The following ITGB5 variants were observed in gnomAD, a reference collection of about 807,000 sequenced individuals.
ITGB5 encodes the protein integrin subunit beta 5, also known as integrin beta-5.
In ITGB5, 38 loss-of-function variants were observed where a neutral mutation model predicts 84.8. The ratio of observed to expected loss-of-function variants is 0.45; its 90% CI spans 0.35 to 0.59. ITGB5 has a LOEUF of 0.59. Ranked by LOEUF, ITGB5 falls within the 20% of genes least tolerant of loss-of-function variation. The pLI, the probability that ITGB5 is intolerant of heterozygous loss-of-function variation, is 0.01. For synonymous variants in ITGB5, 393 were observed against 414.4 expected (o/e 0.95, Z 0.63); for missense variants, 905 against 1,034.5 (o/e 0.87, Z 1.72).
chr3:124,798,004 C>T (rs1294077657), intron 9 of ITGB5, among the ~76,000 whole-genome samples: 1 of 149,400 alleles, frequency 6.7e-6, no homozygotes, highest in Non-Finnish European at 1.5e-5. Flanking sequence ...GGGTTAAAAA[C>T]CACTTTCAGC....
chr3:124,797,162 G>A (rs934304099), intron 9 of ITGB5, among the ~76,000 whole-genome samples: 8 of 152,084 alleles, frequency 5.3e-5, no homozygotes, highest in African/African-American at 7.2e-5. Context: ...TTTCTCTTCT[G>A]TCCTATCCTC....
chr3:124,820,223 C>T (rs1016135422), intron 6 of ITGB5, among the ~76,000 whole-genome samples: 3 of 152,216 alleles, frequency 2.0e-5, no homozygotes, highest in Non-Finnish European at 4.4e-5. Flanking sequence ...TGTCCTCTCT[C>T]CTCTAAGACT....
intron 10 of ITGB5, among the ~76,000 whole-genome samples, chr3:124,786,896 G>A (rs1344861079): frequency 6.6e-6 from 1 of 152,142 alleles, no homozygotes; most frequent in Non-Finnish European, 1.5e-5. Context: ...TGGAACAAAA[G>A]AATCCTTAAG....
rs117279641 is a variant in ITGB5, at chr3:124,794,353, C to T, written c.1693+2035G>A. Among the ~76,000 whole-genome samples, 33 of 152,284 alleles carry T rather than the reference C, an allele frequency of 2.2e-4. No homozygotes were observed. The East Asian group carries it at 6.4e-3, about 29-fold the overall frequency. ...GTGTTTAGATTCAGAAAATTAAGGGCTCCAACACAACACACTAAAAAAGTA... is the reference window on the plus strand; with the variant it reads ...GTGTTTAGATTCAGAAAATTAAGGGTTCCAACACAACACACTAAAAAAGTA... On this transcript the variant is annotated intron_variant, in intron 10 of 14. Coordinates refer to ENST00000296181, the MANE Select transcript of ITGB5 (RefSeq NM_002213.5).
chr3:124,869,207 T>C (rs1456480261), intron 2 of ITGB5, among the ~76,000 whole-genome samples: 1 of 152,186 alleles, frequency 6.6e-6, no homozygotes, highest in African/African-American at 2.4e-5. Context: ...ACATCTTTGA[T>C]GATGTCCTGG....
At chr3:124,770,269 G>A (rs1353590737) in intron 11 of ITGB5, 5 of 152,372 alleles carry the variant, frequency 3.3e-5, no homozygotes, top group Non-Finnish European at 7.3e-5. Flanking sequence ...GGTGGCCTTC[G>A]AGGAGGGTGA....
intron 9 of ITGB5, among the ~76,000 whole-genome samples, chr3:124,804,240 C>G (rs1404890417): frequency 6.6e-6 from 1 of 152,100 alleles, no homozygotes; most frequent in Non-Finnish European, 1.5e-5. Flanking sequence ...AAAAAAGAAC[C>G]GGGCTGGGCA....
At chr3:124,882,186 G>A (rs1934601389) in intron 1 of ITGB5, among the ~76,000 whole-genome samples, 1 of 152,128 alleles carries the variant, frequency 6.6e-6, no homozygotes, top group Non-Finnish European at 1.5e-5. Flanking sequence ...TAGGCATGGA[G>A]GATACAGAGA....
chr3:124,880,914 G>A (rs1579337663), intron 1 of ITGB5, among the ~76,000 whole-genome samples: 1 of 152,148 alleles, frequency 6.6e-6, no homozygotes, highest in East Asian at 1.9e-4. Flanking sequence ...GGGCAACAGA[G>A]TGAGACTCCA....
At chr3:124,899,876 A>G (rs1935183878) in intron 1 of ITGB5, among the ~76,000 whole-genome samples, 1 of 150,474 alleles carries the variant, frequency 6.6e-6, no homozygotes, top group Non-Finnish European at 1.5e-5. Flanking sequence ...AAAAAAAAAA[A>G]AAAAAAAGCA....
rs774046507 is a variant in ITGB5 at position 124,809,076 on chromosome 3, A to G, written c.1209T>C (p.Asp403=). ...LNLFFTATCQ[D]GVSYPGQRKC... Reference sequence around the variant, plus strand: ...TCCTCTGACCAGGATAGGATACCCCATCTTGGCAGGTAGCAGTAAAGAAGA... The same window carrying G: ...TCCTCTGACCAGGATAGGATACCCCGTCTTGGCAGGTAGCAGTAAAGAAGA... Residue 403 remains aspartate (D), a synonymous_variant, in exon 9 of 15, where the codon GAT becomes GAC. Coordinates refer to ENST00000296181, the MANE Select transcript of ITGB5 (RefSeq NM_002213.5). 11 of 1,614,182 alleles carry G rather than the reference A, an allele frequency of 6.8e-6. No homozygotes were observed. The highest frequency in any genetic ancestry group is 1.7e-5 in the Admixed American group (1 of 60,030).
intron 10 of ITGB5, among the ~76,000 whole-genome samples, chr3:124,788,261 T>A (rs540921030): frequency 6.6e-6 from 1 of 152,200 alleles, no homozygotes; most frequent in Admixed American, 6.5e-5. Flanking sequence ...AGGAGCTTTA[T>A]AGACACTGTC....
intron 2 of ITGB5, among the ~76,000 whole-genome samples, chr3:124,872,254 G>C (rs1934091705): frequency 1.3e-5 from 2 of 152,206 alleles, no homozygotes; most frequent in Admixed American, 6.5e-5. Context: ...ATATAGTCTG[G>C]AGGGAAAAGC....
chr3:124,767,938 A>G (rs1302277921), intron 12 of ITGB5, among the ~76,000 whole-genome samples: 2 of 152,124 alleles, frequency 1.3e-5, no homozygotes, highest in East Asian at 3.9e-4. Context: ...GCATGGTGGC[A>G]CATGCCTGTG....
chr3:124,827,784 A>G (rs1464068001), intron 5 of ITGB5, among the ~76,000 whole-genome samples: 1 of 152,180 alleles, frequency 6.6e-6, no homozygotes, highest in Non-Finnish European at 1.5e-5. Context: ...AACTGATGAC[A>G]TTCCACCACA....
intron 8 of ITGB5, among the ~76,000 whole-genome samples, chr3:124,816,559 A>G (rs867953686): frequency 6.6e-6 from 1 of 152,234 alleles, no homozygotes; most frequent in African/African-American, 2.4e-5. Context: ...GCAGGTGGGT[A>G]GGCAATGGAT....
In ITGB5 at chr3:124,887,086, A is replaced by C. The variant is rs1304669801; in HGVS notation, c.-86T>G. 1 of 431,258 alleles carries C rather than the reference A, an allele frequency of 2.3e-6. No individual in the cohort carries two copies. Among genetic ancestry groups the C allele is most frequent in the Admixed American group, 6.6e-5 (1 of 15,156 alleles). 26.7% of individuals were successfully genotyped at this position (431,258 alleles called of 1,614,324 possible). A position where few individuals can be genotyped will look rare whatever the true frequency, so the allele number is the denominator to read the frequency against. ...GGCTGGGGCCGGAGCGCGGGGGCCG[A>C]GGGCCGGGGGCCGCAGCCGCATGCC... is the stretch of plus-strand genomic sequence containing the variant. On this transcript the variant is annotated 5_prime_UTR_variant, in exon 1 of 15. Transcript: ENST00000296181.
intron 10 of ITGB5, among the ~76,000 whole-genome samples, chr3:124,795,383 G>A (rs2064207452): frequency 6.6e-6 from 1 of 151,984 alleles, no homozygotes; most frequent in African/African-American, 2.4e-5. Context: ...CAGCTACTCG[G>A]GAGTCTGAGG....
upstream of ITGB5, among the ~76,000 whole-genome samples, chr3:124,890,986 C>A (rs1451385737): frequency 6.6e-6 from 1 of 152,080 alleles, no homozygotes; most frequent in African/African-American, 2.4e-5. Context: ...AAACTCCCCC[C>A]CCAGCCACTG....
Sources: gnomAD v4.1 joint callset for allele counts (sites outside exome capture counted in the v4.1 genomes callset) on GRCh38, gnomAD v4.1.1 for gene constraint, MANE v1.5 for transcripts, NCBI Gene and HGNC (gene_info 2026-07-23, HGNC 2026-07-21) for gene names.